Variants in CTNNA2 observed in about 807,000 individuals in gnomAD.
The protein encoded by CTNNA2 is catenin alpha-2.
Under a neutral mutation model 101.0 loss-of-function variants are expected in CTNNA2, and 42 were observed. The ratio of observed to expected loss-of-function variants is 0.42; its 90% CI spans 0.32 to 0.54. The LOEUF (loss-of-function observed/expected upper bound fraction) is 0.54, where lower values mean the gene tolerates loss of function less well. Ranked by LOEUF, CTNNA2 falls within the 20% of genes least tolerant of loss-of-function variation. The pLI, the probability that CTNNA2 is intolerant of heterozygous loss-of-function variation, is 0.14. For missense variants in CTNNA2, 871 were observed against 1,223.1 expected, an observed-to-expected ratio of 0.71 and a Z score of 4.29; for synonymous variants, 450 against 456.4, an observed-to-expected ratio of 0.99 and a Z score of 0.18.
intron 7 of CTNNA2, among the ~76,000 whole-genome samples, chr2:79,972,408 T>C (rs1690548205): frequency 6.6e-6 from 1 of 152,148 alleles, no homozygotes; most frequent in Admixed American, 6.6e-5. Flanking sequence ...TTGGAAAATT[T>C]GGCATTTTCA....
intron 1 of CTNNA2, among the ~76,000 whole-genome samples, chr2:79,535,323 G>C (rs1433292490): frequency 6.6e-6 from 1 of 151,912 alleles, no homozygotes; most frequent in Non-Finnish European, 1.5e-5. Flanking sequence ...TCCTGCCTCA[G>C]CCTCCGGAGT....
At chr2:80,433,550 C>T (rs1417194259) in intron 9 of CTNNA2, among the ~76,000 whole-genome samples, 1 of 152,002 alleles carries the variant, frequency 6.6e-6, no homozygotes, top group Non-Finnish European at 1.5e-5. Flanking sequence ...ACAAGGAAGA[C>T]TGGAGAGTTC....
chr2:80,569,123 C>T (rs138071881), intron 12 of CTNNA2, among the ~76,000 whole-genome samples: 34 of 152,240 alleles, frequency 2.2e-4, no homozygotes, highest in African/African-American at 7.9e-4. Flanking sequence ...ACTTCTCATT[C>T]ATTTAACTGA....
At chr2:79,287,749 G>A (rs1477219812) in intron 2 of CTNNA2, among the ~76,000 whole-genome samples, 1 of 152,190 alleles carries the variant, frequency 6.6e-6, no homozygotes, top group African/African-American at 2.4e-5. Flanking sequence ...AGGCAAGCAG[G>A]CCTCCTTGAG....
At chr2:79,329,820 G>T (rs1358120563) in intron 3 of CTNNA2, among the ~76,000 whole-genome samples, 1 of 152,154 alleles carries the variant, frequency 6.6e-6, no homozygotes, top group African/African-American at 2.4e-5. Context: ...CCCTTCAAAT[G>T]AGTCCACAAT....
intron 1 of CTNNA2, among the ~76,000 whole-genome samples, chr2:79,531,731 G>A (rs1672757006): frequency 6.6e-6 from 1 of 151,702 alleles, no homozygotes; most frequent in South Asian, 2.1e-4. Flanking sequence ...GCCCAGGCTG[G>A]AGTGCAATGG....
At chr2:79,974,836 G>A (rs903192468) in intron 7 of CTNNA2, among the ~76,000 whole-genome samples, 1 of 152,172 alleles carries the variant, frequency 6.6e-6, no homozygotes, top group African/African-American at 2.4e-5. Flanking sequence ...AATTAAGTTG[G>A]GGAGGAGTCA....
At chr2:79,776,032 A>T (rs1326847367) in intron 3 of CTNNA2, among the ~76,000 whole-genome samples, 1 of 152,174 alleles carries the variant, frequency 6.6e-6, no homozygotes, top group Non-Finnish European at 1.5e-5. Context: ...GAGTCATCTG[A>T]TTATACTCCT....
chr2:79,651,082 G>A (rs903929919), intron 1 of CTNNA2, among the ~76,000 whole-genome samples: 3 of 152,062 alleles, frequency 2.0e-5, no homozygotes, highest in East Asian at 3.9e-4. Context: ...CTGTAAACTA[G>A]TTCAACCATT....
intron 7 of CTNNA2, among the ~76,000 whole-genome samples, chr2:80,124,184 A>G (rs1206044530): frequency 3.3e-5 from 5 of 152,104 alleles, no homozygotes; most frequent in East Asian, 1.9e-4. Flanking sequence ...GTGGCATGTC[A>G]TGTTCCTTTT....
At chr2:80,558,799 G>A (rs1693290060) in intron 12 of CTNNA2, among the ~76,000 whole-genome samples, 2 of 151,926 alleles carry the variant, frequency 1.3e-5, no homozygotes, top group Admixed American at 6.6e-5. Flanking sequence ...CATGGTTTTT[G>A]TTGTTGTTGT....
At chr2:79,256,006 A>G (rs1284997476) in intron 2 of CTNNA2, among the ~76,000 whole-genome samples, 2 of 152,206 alleles carry the variant, frequency 1.3e-5, no homozygotes, top group African/African-American at 4.8e-5. Flanking sequence ...TCAGAGTATC[A>G]TAAGCTGTAA....
At chr2:80,228,113 C>T (rs556883993) in intron 7 of CTNNA2, among the ~76,000 whole-genome samples, 174 of 152,298 alleles carry the variant, frequency 1.1e-3, no homozygotes, top group Non-Finnish European at 1.8e-3. Context: ...CATGAGTGCA[C>T]ATGGTCAGGA....
At chr2:79,961,844 G>T (rs1335250263) in intron 7 of CTNNA2, among the ~76,000 whole-genome samples, 1 of 124,298 alleles carries the variant, frequency 8.0e-6, no homozygotes, top group East Asian at 2.3e-4. Flanking sequence ...AAAAAAAAAA[G>T]CTGGCTCTGT....
chr2:79,343,999 A>G (rs989502613), intron 3 of CTNNA2, among the ~76,000 whole-genome samples: 1 of 152,104 alleles, frequency 6.6e-6, no homozygotes, highest in Non-Finnish European at 1.5e-5. Flanking sequence ...TCCTGGCCAC[A>G]CCCCAGTCTA....
At chr2:80,163,035 T>C in intron 7 of CTNNA2, 1 of 1,564,210 alleles carries the variant, frequency 6.4e-7, no homozygotes, top group Non-Finnish European at 8.8e-7. Flanking sequence ...TTTGATTCCA[T>C]TAAGTAGATT....
chr2:79,878,713 T>G (rs185479513), intron 6 of CTNNA2, among the ~76,000 whole-genome samples: 41 of 152,334 alleles, frequency 2.7e-4, no homozygotes, highest in Middle Eastern at 3.4e-3. Flanking sequence ...CCTTGTAAAT[T>G]CTGAATATTA....
At chr2:80,528,223 T>G (rs1049366344) in intron 9 of CTNNA2, among the ~76,000 whole-genome samples, 5 of 152,084 alleles carry the variant, frequency 3.3e-5, no homozygotes, top group Admixed American at 3.3e-4. Flanking sequence ...TGAGATGGAG[T>G]CTCGCTCAGT....
intron 7 of CTNNA2, among the ~76,000 whole-genome samples, chr2:79,973,532 G>A (rs983561513): frequency 2.6e-5 from 4 of 152,152 alleles, no homozygotes; most frequent in African/African-American, 7.2e-5. Context: ...AAATATTGAA[G>A]CCTGTTAACA....
Sources: gnomAD v4.1 joint callset for allele counts (sites outside exome capture counted in the v4.1 genomes callset) on GRCh38, gnomAD v4.1.1 for gene constraint, MANE v1.5 for transcripts, NCBI Gene and HGNC (gene_info 2026-07-23, HGNC 2026-07-21) for gene names.